RGS7: variants seen among roughly 807,000 people sequenced by gnomAD.
The protein encoded by RGS7 is regulator of G protein signaling 7.
RGS7 carries 27 observed loss-of-function variants against 81.1 expected under a neutral mutation model. That is an observed-to-expected ratio of 0.33 (90% CI 0.25 to 0.46). The LOEUF (loss-of-function observed/expected upper bound fraction) is 0.46. Ranked by LOEUF, RGS7 falls within the 20% of genes least tolerant of loss-of-function variation. The pLI, the probability that RGS7 is intolerant of heterozygous loss-of-function variation, is 1.00. For missense variants in RGS7, 396 were observed against 607.4 expected, an observed-to-expected ratio of 0.65 and a Z score of 3.66; for synonymous variants, 208 against 207.7, an observed-to-expected ratio of 1.00 and a Z score of -0.01.
At chr1:241,066,237 G>A (rs1164275473) in intron 3 of RGS7, among the ~76,000 whole-genome samples, 3 of 152,078 alleles carry the variant, frequency 2.0e-5, no homozygotes, top group Admixed American at 1.3e-4. Flanking sequence ...CTGTCTATAT[G>A]CAAGAATGGA....
At chr1:240,965,982 G>A (rs924045983) in intron 4 of RGS7, among the ~76,000 whole-genome samples, 1 of 152,108 alleles carries the variant, frequency 6.6e-6, no homozygotes. Flanking sequence ...ATTGTAGAGG[G>A]AGGAGGTGCT....
intron 9 of RGS7, among the ~76,000 whole-genome samples, chr1:240,858,706 T>G (rs372643418): frequency 4.1e-4 from 63 of 152,332 alleles, no homozygotes; most frequent in African/African-American, 1.5e-3. Context: ...AAGATTTTAA[T>G]TTTAATGAAG....
chr1:240,800,094 T>C (rs1687788079), intron 18 of RGS7, among the ~76,000 whole-genome samples: 1 of 152,208 alleles, frequency 6.6e-6, no homozygotes. Context: ...TAACTTGAAA[T>C]GCTTCTTAAA....
At chr1:240,926,586 G>A (rs1047893009) in intron 6 of RGS7, among the ~76,000 whole-genome samples, 22 of 152,134 alleles carry the variant, frequency 1.4e-4, no homozygotes, top group African/African-American at 5.3e-4. Context: ...TAAAAACCCT[G>A]CCTCGGCTTC....
intron 4 of RGS7, among the ~76,000 whole-genome samples, chr1:240,980,691 A>G (rs1165806584): frequency 6.6e-6 from 1 of 152,156 alleles, no homozygotes; most frequent in Admixed American, 6.5e-5. Flanking sequence ...AGATTGATTC[A>G]TTTTCCATGT....
In RGS7 at chr1:240,947,246, C is replaced by T. The variant is rs12567392; in HGVS notation, c.227-10540G>A. Among the ~76,000 whole-genome samples, 488 of 152,280 alleles carry T rather than the reference C, an allele frequency of 3.2e-3. 9 individuals carry two copies. The East Asian group carries it at 0.046, about 14-fold the overall frequency. On this transcript the variant is annotated intron_variant, in intron 4 of 18. Coordinates refer to ENST00000440928, the MANE Select transcript of RGS7 (RefSeq NM_001364886.1). ...TCAAAATTCAAATTTTTACCATTTT[C>T]ATTATGTAATAAGCTTTCCTATAAA...
At chr1:241,137,324 A>T (rs570890884) in intron 2 of RGS7, among the ~76,000 whole-genome samples, 125 of 152,338 alleles carry the variant, frequency 8.2e-4, no homozygotes, top group African/African-American at 2.9e-3. Context: ...TACATTAAAA[A>T]ACTTTAATGA....
At chr1:241,339,335 C>G (rs937084069) in intron 2 of RGS7, among the ~76,000 whole-genome samples, 1 of 152,112 alleles carries the variant, frequency 6.6e-6, no homozygotes, top group African/African-American at 2.4e-5. Context: ...TGTGAATAGG[C>G]CTTGCATATA....
At chr1:240,974,197 T>C (rs1683718541) in intron 4 of RGS7, among the ~76,000 whole-genome samples, 1 of 152,194 alleles carries the variant, frequency 6.6e-6, no homozygotes, top group African/African-American at 2.4e-5. Flanking sequence ...TTTTCACTGG[T>C]ATTTTTACAA....
At position 240,920,476 on chromosome 1, in the gene RGS7, T is replaced by G. The variant is rs1054299717; in HGVS notation, c.385+10241A>C. The G allele has an allele frequency of 7.0e-5, 68 of 975,982 alleles. No individual in the cohort carries two copies. In the African/African-American group the frequency reaches 1.0e-3, roughly 15 times the overall value. The allele number at this position is 975,982 out of a possible 1,614,324, so 60.5% of individuals were successfully genotyped here. A position where few individuals can be genotyped will look rare whatever the true frequency, so the allele number is the denominator to read the frequency against. ...AATCAATCTTCACATTTTGGACCCA[T>G]GAAGCGAGGAAACTTTGGAGGCAGA... On this transcript the variant is annotated intron_variant, in intron 6 of 18. Coordinates refer to ENST00000440928, the MANE Select transcript of RGS7 (RefSeq NM_001364886.1).
chr1:241,022,170 T>C (rs1187020644), intron 3 of RGS7, among the ~76,000 whole-genome samples: 1 of 152,194 alleles, frequency 6.6e-6, no homozygotes, highest in African/African-American at 2.4e-5. Context: ...CAATCTCACA[T>C]CATGTATTAA....
chr1:240,917,630 G>A (rs1672816145), intron 6 of RGS7, among the ~76,000 whole-genome samples: 1 of 151,912 alleles, frequency 6.6e-6, no homozygotes, highest in Non-Finnish European at 1.5e-5. Flanking sequence ...TTGATACTGG[G>A]CAAAAAGGGA....
chr1:241,266,843 C>CA (rs541983269), intron 2 of RGS7, among the ~76,000 whole-genome samples: 95 of 152,064 alleles, frequency 6.2e-4, no homozygotes, highest in African/African-American at 2.3e-3. Flanking sequence ...AAAAATGTGA[C>CA]AAAAAAATCA....
chr1:241,086,167 C>T (rs542092097), intron 3 of RGS7, among the ~76,000 whole-genome samples: 2 of 152,204 alleles, frequency 1.3e-5, no homozygotes, highest in African/African-American at 4.8e-5. Flanking sequence ...AAATTTCAGA[C>T]CTGTATATCC....
intron 9 of RGS7, among the ~76,000 whole-genome samples, chr1:240,847,182 A>G (rs1659251143): frequency 1.3e-5 from 2 of 152,162 alleles, no homozygotes; most frequent in African/African-American, 4.8e-5. Flanking sequence ...TAACCTTTTT[A>G]CCCACCTCCT....
intron 3 of RGS7, among the ~76,000 whole-genome samples, chr1:241,053,817 T>G (rs2061362584): frequency 6.6e-6 from 1 of 152,204 alleles, no homozygotes; most frequent in Admixed American, 6.5e-5. Flanking sequence ...TCACAAGATC[T>G]GATGATTTTA....
chr1:241,144,970 T>TGTG lies in RGS7; in HGVS notation c.79-46209_79-46208insCAC, dbSNP rs2068206978. 6.6e-6 allele frequency among the ~76,000 whole-genome samples: 1 copy of TGTG among 151,360 alleles called. No individual in the cohort carries two copies. The highest frequency in any genetic ancestry group is 2.4e-5 in the African/African-American group (1 of 41,152). Reference sequence around the variant, plus strand: ...GTGTGTGTGTGTGTGTGTGTTCGTGTTCATTCTTCCTGTTCCTGTTTTCCC... The same window carrying TGTG: ...GTGTGTGTGTGTGTGTGTGTTCGTGTGTGTCATTCTTCCTGTTCCTGTTTTCCC... On this transcript the variant is annotated intron_variant, in intron 2 of 18. Coordinates refer to ENST00000440928, the MANE Select transcript of RGS7 (RefSeq NM_001364886.1). The surrounding 1 kb of genome is among the most constrained non-coding windows in gnomAD (Gnocchi z 4.7).
At chr1:240,797,842 C>T (rs1001647287) in intron 18 of RGS7, among the ~76,000 whole-genome samples, 4 of 151,992 alleles carry the variant, frequency 2.6e-5, no homozygotes, top group South Asian at 2.1e-4. Flanking sequence ...TCTCTGATAG[C>T]AAGAAAAATA....
At chr1:241,122,862 C>T (rs538883557) in intron 2 of RGS7, among the ~76,000 whole-genome samples, 1 of 152,240 alleles carries the variant, frequency 6.6e-6, no homozygotes, top group East Asian at 1.9e-4. Context: ...ACACAGTGAT[C>T]ATATGGGTAG....
Sources: gnomAD v4.1 joint callset for allele counts (sites outside exome capture counted in the v4.1 genomes callset) on GRCh38, gnomAD v4.1.1 for gene constraint, Gnocchi (gnomAD v3.1) non-coding constraint, MANE v1.5 for transcripts, NCBI Gene and HGNC (gene_info 2026-07-23, HGNC 2026-07-21) for gene names.